Variants in OTUD7B observed in about 807,000 individuals in gnomAD.
OTUD7B encodes the protein OTU deubiquitinase 7B.
A neutral mutation model predicts 82.2 loss-of-function variants in OTUD7B; 34 were observed. The observed-to-expected ratio is 0.41, with a 90% CI of 0.31 to 0.55. The LOEUF is 0.55. OTUD7B is among the 20% of genes least tolerant of loss of function. OTUD7B has a pLI of 0.20. For missense variants in OTUD7B, 944 were observed against 1,062.1 expected (o/e 0.89, Z 1.55); for synonymous variants, 398 against 402.7 (o/e 0.99, Z 0.14).
the OTUD7B span, among the ~76,000 whole-genome samples, chr1:150,061,057 T>TG: frequency 6.6e-6 from 1 of 151,782 alleles, no homozygotes; most frequent in South Asian, 2.1e-4. Context: ...CAAAAAAAAT[T>TG]TTTTTTGTTT....
chr1:150,000,090 A>G (rs1316952135), intron 1 of OTUD7B, among the ~76,000 whole-genome samples: 1 of 152,240 alleles, frequency 6.6e-6, no homozygotes, highest in Non-Finnish European at 1.5e-5. Flanking sequence ...CCTGCTGGAG[A>G]AAAAAGAAAA....
At chr1:150,034,071 T>C in the OTUD7B span, among the ~76,000 whole-genome samples, 1 of 152,044 alleles carries the variant, frequency 6.6e-6, no homozygotes, top group Non-Finnish European at 1.5e-5. Context: ...ATCACACAGG[T>C]TAAGGAGACT....
the OTUD7B span, chr1:150,054,544 A>C: frequency 4.4e-6 from 2 of 450,588 alleles, no homozygotes; most frequent in Non-Finnish European, 8.8e-6. Context: ...ATGGTGACTC[A>C]TGTCTGTAAT....
chr1:150,058,277 G>A, the OTUD7B span, among the ~76,000 whole-genome samples: 5 of 152,156 alleles, frequency 3.3e-5, no homozygotes, highest in Admixed American at 1.3e-4. Flanking sequence ...AGACCAAGGC[G>A]GGGCCAATCA....
upstream of OTUD7B, among the ~76,000 whole-genome samples, chr1:150,013,622 A>T (rs1461980835): frequency 4.6e-5 from 7 of 151,904 alleles, no homozygotes; most frequent in Admixed American, 6.6e-5. Context: ...CATATTTTTT[A>T]AAAAAATATC....
At chr1:150,016,695 A>G in the OTUD7B span, among the ~76,000 whole-genome samples, 1 of 151,946 alleles carries the variant, frequency 6.6e-6, no homozygotes, top group East Asian at 1.9e-4. Context: ...CAGGTGATCC[A>G]CCCGCCTTGG....
chr1:149,971,250 T>C lies in OTUD7B; in HGVS notation c.87A>G (p.Gly29=). The C allele has an allele frequency of 1.9e-6, 3 of 1,601,622 alleles. No homozygotes were observed. Among genetic ancestry groups the C allele is most frequent in the Non-Finnish European group, 2.6e-6 (3 of 1,170,202 alleles). ...EPGLARDLLE[G]KNWDVNAALS... ...GGGCGGCATTCACATCCCAATTCTT[T>C]CCTGTCAGGAGACAAAGCAAAAAGC... Residue 29 remains glycine (G), a splice_region_variant and synonymous_variant, in exon 3 of 12, where the codon GGA becomes GGG. Coordinates refer to ENST00000581312, the MANE Select transcript of OTUD7B (RefSeq NM_020205.4).
chr1:149,997,742 C>A (rs1036525434), intron 1 of OTUD7B, among the ~76,000 whole-genome samples: 1 of 152,136 alleles, frequency 6.6e-6, no homozygotes, highest in East Asian at 1.9e-4. Flanking sequence ...AAAACCCATA[C>A]GGAACTGAAA....
At chr1:150,042,628 C>T in the OTUD7B span, among the ~76,000 whole-genome samples, 1,505 of 152,216 alleles carry the variant, frequency 9.9e-3, 11 homozygotes, top group Middle Eastern at 0.017. Context: ...AGACTGGCCC[C>T]ATCCACTGGG....
chr1:150,055,968 T>C, the OTUD7B span, among the ~76,000 whole-genome samples: 1 of 152,002 alleles, frequency 6.6e-6, no homozygotes, highest in African/African-American at 2.4e-5. Context: ...AAATAATCTG[T>C]ACAACAAACC....
upstream of OTUD7B, among the ~76,000 whole-genome samples, chr1:150,015,604 C>T (rs1263047319): frequency 1.3e-5 from 2 of 152,206 alleles, no homozygotes; most frequent in South Asian, 2.1e-4. Flanking sequence ...CCACCATGCC[C>T]GGCCACTTCC....
chr1:149,944,192 G>A lies in OTUD7B; in HGVS notation c.2197C>T (p.Gln733Ter). The A allele has an allele frequency of 6.2e-7, 1 of 1,613,780 alleles. No homozygotes were observed. Among genetic ancestry groups the A allele is most frequent in the Non-Finnish European group, 8.5e-7 (1 of 1,179,748 alleles). The change falls in exon 12 of 12, where the codon CAG becomes TAG. Residue 733 changes from glutamine (Q) to a stop codon, truncating the protein, a stop_gained. Coordinates refer to ENST00000581312, the MANE Select transcript of OTUD7B (RefSeq NM_020205.4). LOFTEE classifies it high-confidence loss of function. ...GLPPYATFPR[Q>*]CPPGRPYPHQ... ...GGGTAGGGTCGCCCAGGAGGGCACT[G>A]TCTGGGGAAGGTGGCATATGGTGGT...
intron 1 of OTUD7B, among the ~76,000 whole-genome samples, chr1:149,993,272 G>A (rs1651717349): frequency 6.6e-6 from 1 of 152,216 alleles, no homozygotes; most frequent in African/African-American, 2.4e-5. Flanking sequence ...CATCAGTACA[G>A]TAGTGCCCAG....
chr1:149,953,261 C>T (rs188877201), intron 7 of OTUD7B, among the ~76,000 whole-genome samples: 7,095 of 152,264 alleles, frequency 0.047, 212 homozygotes, highest in Non-Finnish European at 0.072. Flanking sequence ...CAGCTTTCTA[C>T]CTATGGCTAG....
upstream of OTUD7B, among the ~76,000 whole-genome samples, chr1:150,011,485 A>G (rs1465188717): frequency 2.6e-5 from 4 of 152,188 alleles, no homozygotes; most frequent in African/African-American, 9.7e-5. Context: ...AATACATAAA[A>G]CTATATTATA....
chr1:149,949,727 G>A lies in OTUD7B; in HGVS notation c.1025C>T (p.Ala342Val). The change falls in exon 9 of 12, where the codon GCC (alanine) becomes GTC (valine). Residue 342 changes from alanine to valine, a missense_variant. Coordinates refer to ENST00000581312, the MANE Select transcript of OTUD7B (RefSeq NM_020205.4). Reference protein sequence around the residue: ...GGIYLPLEVPASQCHRSPLVL... With the variant: ...GGIYLPLEVPVSQCHRSPLVL... Reference sequence around the variant, plus strand: ...CAGAGGGGAGCGGTGACACTGGCTGGCTGGGACCTCCAAAGGCAGATAGAT... The same window carrying A: ...CAGAGGGGAGCGGTGACACTGGCTGACTGGGACCTCCAAAGGCAGATAGAT... The A allele has an allele frequency of 1.9e-6, 3 of 1,614,130 alleles. No individual in the cohort carries two copies. The highest frequency in any genetic ancestry group is 2.2e-5 in the East Asian group (1 of 44,874).
the OTUD7B span, among the ~76,000 whole-genome samples, chr1:150,060,580 T>C: frequency 6.6e-6 from 1 of 152,152 alleles, no homozygotes; most frequent in Admixed American, 6.6e-5. Context: ...CAAACTTACA[T>C]AGCATCTGAC....
rs1647292138 is a variant in OTUD7B at position 149,942,005 on chromosome 1, C to T, written c.*1852G>A. On this transcript the variant is annotated 3_prime_UTR_variant, in exon 12 of 12. Coordinates refer to ENST00000581312, the MANE Select transcript of OTUD7B (RefSeq NM_020205.4). ...TAAATCAGATTTGGAAAATAGGTGA[C>T]TTCTGAGTTTGTTGAGGAGAAAATA... 1 of 152,282 alleles carries T rather than the reference C, an allele frequency of 6.6e-6. No individual in the cohort carries two copies. Among genetic ancestry groups the T allele is most frequent in the Admixed American group, 6.5e-5 (1 of 15,278 alleles). The allele number at this position is 152,282 out of a possible 1,614,324, so 9.4% of individuals were successfully genotyped here. A position where few individuals can be genotyped will look rare whatever the true frequency, so the allele number is the denominator to read the frequency against.
At position 149,943,924 on chromosome 1, in the gene OTUD7B, C is replaced by T. The variant is rs1055012467; in HGVS notation, c.2465G>A (p.Cys822Tyr). Reference sequence around the variant, plus strand: ...CCTCCTCCTCAGTTCTTCCCTGTAACAACAGGAACAGAAGTTGTTTGTCTC... The same window carrying T: ...CCTCCTCCTCAGTTCTTCCCTGTAATAACAGGAACAGAAGTTGTTTGTCTC... Reference protein sequence around the residue: ...HPETNNFCSCCYREELRRRER... With the variant: ...HPETNNFCSCYYREELRRRER... Residue 822 changes from cysteine to tyrosine, a missense_variant, in exon 12 of 12, where the codon TGT (cysteine) becomes TAT (tyrosine). Cys to Tyr is a radical substitution (Grantham distance 194). This residue lies in a region of OTUD7B where 412 missense variants were observed against 418.7 expected (regional missense o/e 0.98). Transcript: ENST00000581312. The T allele has an allele frequency of 1.2e-6, 2 of 1,614,260 alleles. No homozygotes were observed. Among genetic ancestry groups the T allele is most frequent in the Non-Finnish European group, 8.5e-7 (1 of 1,180,042 alleles).
Sources: allele counts gnomAD v4.1 joint callset (sites outside exome capture counted in the v4.1 genomes callset), GRCh38; gene constraint gnomAD v4.1.1; regional missense constraint gnomAD v4.1.1; transcripts MANE v1.5; gene names NCBI Gene and HGNC (gene_info 2026-07-23, HGNC 2026-07-21).